TBC1D5: variants seen among roughly 807,000 people sequenced by gnomAD.
The protein encoded by TBC1D5 is TBC1 domain family member 5, also known as TBC1 domain family, member 5.
Under a neutral mutation model 100.3 loss-of-function variants are expected in TBC1D5, and 75 were observed. The ratio of observed to expected loss-of-function variants is 0.75; its 90% CI spans 0.62 to 0.91. TBC1D5 has a LOEUF of 0.91. TBC1D5 is among the 40% of genes least tolerant of loss of function. The pLI, the probability that TBC1D5 is intolerant of heterozygous loss-of-function variation, is 0.00. For synonymous variants in TBC1D5, 323 were observed against 325.6 expected, an observed-to-expected ratio of 0.99 and a Z score of 0.09; for missense variants, 910 against 942.4, an observed-to-expected ratio of 0.97 and a Z score of 0.45.
At chr3:17,655,618 T>C (rs1188238787) in intron 1 of TBC1D5, among the ~76,000 whole-genome samples, 2 of 152,068 alleles carry the variant, frequency 1.3e-5, no homozygotes, top group African/African-American at 2.4e-5. Context: ...AAACCTGCAA[T>C]AGGTTGAGGA....
intron 19 of TBC1D5, among the ~76,000 whole-genome samples, chr3:17,168,500 T>A (rs2066862971): frequency 6.6e-6 from 1 of 152,124 alleles, no homozygotes; most frequent in Non-Finnish European, 1.5e-5. Context: ...TGCCTGTTGG[T>A]ATGTTAAACA....
intron 13 of TBC1D5, among the ~76,000 whole-genome samples, chr3:17,321,304 C>A (rs2085373917): frequency 6.6e-6 from 1 of 152,180 alleles, no homozygotes; most frequent in Non-Finnish European, 1.5e-5. Context: ...CCTCAAGCCT[C>A]CCAAAGTGCT....
intron 1 of TBC1D5, among the ~76,000 whole-genome samples, chr3:17,718,512 G>T (rs1250591797): frequency 6.6e-6 from 1 of 152,106 alleles, no homozygotes; most frequent in African/African-American, 2.4e-5. Flanking sequence ...CAGGAAAATG[G>T]CATGAACCCT....
intron 18 of TBC1D5, among the ~76,000 whole-genome samples, chr3:17,193,698 A>G (rs1374359121): frequency 6.6e-6 from 1 of 152,172 alleles, no homozygotes; most frequent in East Asian, 1.9e-4. Context: ...ATGACTAATA[A>G]CTTCTTTTGT....
intron 1 of TBC1D5, among the ~76,000 whole-genome samples, chr3:17,627,598 A>AT (rs371576747): frequency 1.3e-5 from 2 of 152,068 alleles, no homozygotes; most frequent in African/African-American, 4.8e-5. Context: ...TTTACCCAAC[A>AT]TTGTTAAACA....
At chr3:17,255,780 T>C (rs1413715954) in intron 16 of TBC1D5, among the ~76,000 whole-genome samples, 2 of 152,260 alleles carry the variant, frequency 1.3e-5, no homozygotes, top group Admixed American at 6.5e-5. Context: ...GGCTCACGCC[T>C]GCAATCCCAG....
Position 17,379,569 on chromosome 3 carries a change from C to T in TBC1D5, c.613-2956G>A, listed in dbSNP as rs116945773. On this transcript the variant is annotated intron_variant, in intron 9 of 21. Transcript: ENST00000253692. The stretch of plus-strand genomic sequence containing the variant: ...AATGAAGTGGGCAAGTTCCTAACTT[C>T]GATGGAGCTTGTGGTCTAGAAAGAA... 1.9e-4 allele frequency among the ~76,000 whole-genome samples: 29 copies of T among 152,060 alleles called. No individual in the cohort carries two copies. The East Asian group carries it at 4.6e-3, about 24-fold the overall frequency.
At chr3:17,694,215 G>A (rs2071631683) in intron 1 of TBC1D5, among the ~76,000 whole-genome samples, 1 of 152,196 alleles carries the variant, frequency 6.6e-6, no homozygotes, top group African/African-American at 2.4e-5. Context: ...CTCCTTGCCA[G>A]CAATGGAATA....
chr3:17,587,801 C>A (rs575793375), intron 2 of TBC1D5, among the ~76,000 whole-genome samples: 1 of 152,116 alleles, frequency 6.6e-6, no homozygotes, highest in South Asian at 2.1e-4. Context: ...TCGTGTATGG[C>A]TGAACTAAAA....
chr3:17,554,182 C>T (rs564917101), intron 2 of TBC1D5, among the ~76,000 whole-genome samples: 11 of 152,306 alleles, frequency 7.2e-5, no homozygotes, highest in Non-Finnish European at 1.5e-4. Flanking sequence ...TACATAACAG[C>T]TTGAGGTCAT....
chr3:17,341,771 T>C (rs1382794051), intron 13 of TBC1D5, among the ~76,000 whole-genome samples: 1 of 152,190 alleles, frequency 6.6e-6, no homozygotes, highest in Non-Finnish European at 1.5e-5. Flanking sequence ...AAACAAATAT[T>C]CAAGCTAAAA....
At chr3:17,422,817 A>C (rs1209197401) in intron 4 of TBC1D5, among the ~76,000 whole-genome samples, 4 of 152,180 alleles carry the variant, frequency 2.6e-5, no homozygotes, top group Non-Finnish European at 5.9e-5. Context: ...AATTTTTCAA[A>C]TTTATTGATT....
intron 1 of TBC1D5, among the ~76,000 whole-genome samples, chr3:17,713,124 G>A (rs2074901194): frequency 6.6e-6 from 1 of 151,780 alleles, no homozygotes. Flanking sequence ...ATTTTTCTCT[G>A]TTTAAGTTTT....
intron 13 of TBC1D5, among the ~76,000 whole-genome samples, chr3:17,349,788 G>GAA (rs763907517): frequency 3.3e-5 from 5 of 152,112 alleles, no homozygotes; most frequent in Non-Finnish European, 5.9e-5. Context: ...CGCACCAAGA[G>GAA]AAGTCACTTT....
intron 1 of TBC1D5, among the ~76,000 whole-genome samples, chr3:17,693,155 C>T (rs1023971854): frequency 6.6e-6 from 1 of 152,190 alleles, no homozygotes; most frequent in Admixed American, 6.5e-5. Flanking sequence ...TCTGCAGCTC[C>T]CAGAGTGACG....
chr3:17,260,688 CAT>C (rs1187477019), intron 15 of TBC1D5, among the ~76,000 whole-genome samples: 2 of 152,098 alleles, frequency 1.3e-5, no homozygotes, highest in Non-Finnish European at 2.9e-5. Context: ...AATATACAGA[CAT>C]ATAGATGGAT....
intron 12 of TBC1D5, 78 bp downstream of exon 12, chr3:17,374,393 C>A (rs563272775): frequency 2.2e-6 from 3 of 1,378,064 alleles, no homozygotes; most frequent in East Asian, 2.5e-5. Context: ...ATATACTATT[C>A]TTTGGTTACA....
chr3:17,272,066 C>T (rs577150385), intron 15 of TBC1D5, among the ~76,000 whole-genome samples: 8 of 148,430 alleles, frequency 5.4e-5, no homozygotes, highest in African/African-American at 2.0e-4. Context: ...GCATTTACAA[C>T]ATTTGTGTTG....
intron 1 of TBC1D5, among the ~76,000 whole-genome samples, chr3:17,674,056 G>A (rs1389570325): frequency 1.3e-5 from 2 of 151,774 alleles, no homozygotes; most frequent in Non-Finnish European, 2.9e-5. Flanking sequence ...AGTGAGTTAA[G>A]TTCTTTTCCA....
Sources: gnomAD v4.1 joint callset for allele counts (sites outside exome capture counted in the v4.1 genomes callset) on GRCh38, gnomAD v4.1.1 for gene constraint, MANE v1.5 for transcripts, NCBI Gene and HGNC (gene_info 2026-07-23, HGNC 2026-07-21) for gene names.